Variants in GABRR2 observed in about 807,000 individuals in gnomAD.
GABRR2 encodes the protein gamma-aminobutyric acid type A receptor subunit rho2.
In GABRR2, 36 loss-of-function variants were observed where a neutral mutation model predicts 47.0. That is an observed-to-expected ratio of 0.77 (90% CI 0.59 to 1.01). The LOEUF (loss-of-function observed/expected upper bound fraction) is 1.01, where lower values mean the gene tolerates loss of function less well. Among genes scored for constraint, GABRR2 ranks in the 50% least tolerant of loss-of-function variants. The pLI, the probability that GABRR2 is intolerant of heterozygous loss-of-function variation, is 0.00. For missense variants in GABRR2, 587 were observed against 594.6 expected (o/e 0.99, Z 0.13); for synonymous variants, 204 against 227.5 (o/e 0.90, Z 0.93).
intron 2 of GABRR2, among the ~76,000 whole-genome samples, chr6:89,273,919 C>G (rs971907231): frequency 7.2e-5 from 11 of 152,240 alleles, no homozygotes; most frequent in African/African-American, 2.7e-4. Context: ...CTGCTGGATA[C>G]AGCAGTCCCA....
rs187393494 is a variant in GABRR2 at position 89,307,775 on chromosome 6, A to G, written c.113+7278T>C. 8.9e-4 allele frequency among the ~76,000 whole-genome samples: 125 copies of G among 140,646 alleles called. 1 individual carries two copies. Among genetic ancestry groups the G allele is most frequent in the African/African-American group, 3.2e-3 (120 of 37,464 alleles). 92.3% of individuals were successfully genotyped at this position (140,646 alleles called of 152,430 possible). A position where few individuals can be genotyped will look rare whatever the true frequency, so the allele number is the denominator to read the frequency against. On this transcript the variant is annotated intron_variant, in intron 1 of 8. Transcript: ENST00000402938. ...GAGTGTTTGTTGTTTATTTACATAT[A>G]CCTCTATTTTCCTCCCTGTTCTTGT... is the stretch of plus-strand genomic sequence containing the variant.
At chr6:89,295,492 A>T (rs941895155) in intron 2 of GABRR2, among the ~76,000 whole-genome samples, 2 of 150,772 alleles carry the variant, frequency 1.3e-5, no homozygotes, top group Non-Finnish European at 3.0e-5. Flanking sequence ...ATTTTTTTTT[A>T]ATTTGTTTGA....
At position 89,269,158 on chromosome 6, in the gene GABRR2, CTCTTGTTGCTG is replaced by C. The variant is rs761966019; in HGVS notation, c.354_364del (p.Ser119HisfsTer15). 1.9e-6 allele frequency: 3 copies of C among 1,614,080 alleles called. No homozygotes were observed. In the South Asian group the frequency reaches 3.3e-5, roughly 18 times the overall value. The stretch of plus-strand genomic sequence containing the variant: ...CACCAGCCGGCCATCGAAGGTCATG[CTCTTGTTGCTG>C]GCGCTGGAGAAAGCTAGCCTCTCAT... On this transcript the variant is annotated frameshift_variant, in exon 4 of 9. Transcript: ENST00000402938. LOFTEE classifies it high-confidence loss of function.
intron 6 of GABRR2, among the ~76,000 whole-genome samples, 165 bp from the exon 7 acceptor site, chr6:89,265,930 C>T (rs1008023121): frequency 2.6e-5 from 4 of 152,122 alleles, no homozygotes; most frequent in African/African-American, 9.7e-5. Flanking sequence ...AAATCTAAGC[C>T]CTTTCTCCTA....
At chr6:89,262,128 T>C (rs368655482) in intron 8 of GABRR2, among the ~76,000 whole-genome samples, 1 of 152,118 alleles carries the variant, frequency 6.6e-6, no homozygotes, top group East Asian at 1.9e-4. Flanking sequence ...ACAGCTTTGA[T>C]TGGACAAGAG....
chr6:89,299,149 G>A (rs1344173917), intron 2 of GABRR2, among the ~76,000 whole-genome samples: 1 of 152,194 alleles, frequency 6.6e-6, no homozygotes, highest in Admixed American at 6.5e-5. Context: ...CACTGGCCAT[G>A]CCTCCCCTCC....
chr6:89,275,862 T>C (rs1348052708), intron 2 of GABRR2, among the ~76,000 whole-genome samples: 2 of 151,998 alleles, frequency 1.3e-5, no homozygotes, highest in Non-Finnish European at 2.9e-5. Context: ...AGATAAACCT[T>C]TGTAGGGTTC....
At position 89,284,896 on chromosome 6, in the gene GABRR2, C is replaced by G. The variant is rs115262175; in HGVS notation, c.221-13174G>C. Among the ~76,000 whole-genome samples, 483 of 152,274 alleles carry G rather than the reference C, an allele frequency of 3.2e-3. 4 individuals carry two copies. Among genetic ancestry groups the G allele is most frequent in the African/African-American group, 0.011 (466 of 41,544 alleles). On this transcript the variant is annotated intron_variant, in intron 2 of 8. Transcript: ENST00000402938. Reference sequence around the variant, plus strand: ...AGGTGGACTAGGGAGTGTGCTAGAACAGGGCCGGAACAGTTTACCCCTGCA... The same window carrying G: ...AGGTGGACTAGGGAGTGTGCTAGAAGAGGGCCGGAACAGTTTACCCCTGCA...
In GABRR2 at chr6:89,256,141, A is replaced by C. The variant is rs1773596130; in HGVS notation, c.*1529T>G. ...GTGGCTAGTGGCTACCATATGAGAC[A>C]GCCCAGATCTAGGATGCATTCTGCT... On this transcript the variant is annotated 3_prime_UTR_variant, in exon 9 of 9. Transcript: ENST00000402938. Among the ~76,000 whole-genome samples, 1 of 148,860 alleles carries C rather than the reference A, an allele frequency of 6.7e-6. No homozygotes were observed. The highest frequency in any genetic ancestry group is 1.5e-5 in the Non-Finnish European group (1 of 67,450).
rs192639264 is a variant in GABRR2 at position 89,272,546 on chromosome 6, A to T, written c.221-824T>A. On this transcript the variant is annotated intron_variant, in intron 2 of 8. Transcript: ENST00000402938. ...TGTTTTTTGGATTTTAATTTTTTTT[A>T]AACTTAGAAAGGGAAAAACCAGCAA... Among the ~76,000 whole-genome samples the T allele has an allele frequency of 5.3e-3, 810 of 152,130 alleles. 3 individuals carry two copies. Among genetic ancestry groups the T allele is most frequent in the Non-Finnish European group, 8.6e-3 (583 of 68,020 alleles).
In GABRR2 at chr6:89,299,826, C is replaced by G. The variant is rs1347057933; in HGVS notation, c.153G>C (p.Arg51=). 7.4e-6 allele frequency: 12 copies of G among 1,613,820 alleles called. No homozygotes were observed. The highest frequency in any genetic ancestry group is 7.6e-6 in the Non-Finnish European group (9 of 1,179,818). ...TGAGAAGCTGCTGAGGCTTTCCCTT[C>G]CGGATCTTGGTCACATCAAGGTTCT... ...YKKNLDVTKI[R]KGKPQQLLRV... is the part of the protein sequence containing the mutation. The change falls in exon 2 of 9, where the codon CGG becomes CGC. Residue 51 remains arginine, a synonymous_variant. Coordinates refer to ENST00000402938, the MANE Select transcript of GABRR2 (RefSeq NM_002043.5).
At position 89,291,212 on chromosome 6, in the gene GABRR2, T is replaced by C. The variant is rs1254175439; in HGVS notation, c.220+8547A>G. Among the ~76,000 whole-genome samples, 4 of 152,206 alleles carry C rather than the reference T, an allele frequency of 2.6e-5. No homozygotes were observed. In the East Asian group the frequency reaches 7.7e-4, roughly 29 times the overall value. On this transcript the variant is annotated intron_variant, in intron 2 of 8. Transcript: ENST00000402938. ...CATCTCTCAGGTCCCTCCATTTCTTTCTGTGGTCTTCAGCCCCTCATCAGC... is the reference window on the plus strand; with the variant it reads ...CATCTCTCAGGTCCCTCCATTTCTTCCTGTGGTCTTCAGCCCCTCATCAGC...
In GABRR2 at chr6:89,262,517, T is replaced by C. The variant is rs577966915; in HGVS notation, c.1086+1895A>G. 3.3e-5 allele frequency among the ~76,000 whole-genome samples: 5 copies of C among 152,322 alleles called. No individual in the cohort carries two copies. The East Asian group carries it at 7.7e-4, about 23-fold the overall frequency. ...ATGGCCACCTTGCAGACTGGAATCCTTTATAAGAAATAAAGTCTCCTTTTT... is the reference window on the plus strand; with the variant it reads ...ATGGCCACCTTGCAGACTGGAATCCCTTATAAGAAATAAAGTCTCCTTTTT... On this transcript the variant is annotated intron_variant, in intron 8 of 8. Transcript: ENST00000402938.
At position 89,269,210 on chromosome 6, in the gene GABRR2, G is replaced by A. The variant is rs768368381; in HGVS notation, c.313C>T (p.Arg105Trp). 67 of 1,613,886 alleles carry A rather than the reference G, an allele frequency of 4.2e-5. No individual in the cohort carries two copies. The highest frequency in any genetic ancestry group is 5.1e-5 in the Non-Finnish European group (60 of 1,179,886). The change falls in exon 4 of 9, where the codon CGG becomes TGG. Residue 105 changes from arginine to tryptophan, a missense_variant. Arg to Trp is a moderately radical substitution (Grantham distance 101). Coordinates refer to ENST00000402938, the MANE Select transcript of GABRR2 (RefSeq NM_002043.5). ...AGCCTCTCATCCTTCCAGTAATGCCGCAGGTACAGGGTCATAGTGAAGTCC... is the reference window on the plus strand; with the variant it reads ...AGCCTCTCATCCTTCCAGTAATGCCACAGGTACAGGGTCATAGTGAAGTCC... ...DMDFTMTLYL[R>W]HYWKDERLAF...
intron 4 of GABRR2, 43 bp downstream of exon 4, chr6:89,268,962 CATACCA>C: frequency 6.5e-7 from 1 of 1,543,638 alleles, no homozygotes; most frequent in Non-Finnish European, 9.0e-7. Flanking sequence ...CCTGACCACA[CATACCA>C]GAAAGGCACT....
intron 1 of GABRR2, among the ~76,000 whole-genome samples, chr6:89,301,271 C>G (rs1767431530): frequency 6.6e-6 from 1 of 152,154 alleles, no homozygotes; most frequent in African/African-American, 2.4e-5. Context: ...CAACGTCATA[C>G]TAAATGGGCA....
At chr6:89,296,088 T>TATATC (rs1774548050) in intron 2 of GABRR2, among the ~76,000 whole-genome samples, 1 of 152,190 alleles carries the variant, frequency 6.6e-6, no homozygotes, top group Non-Finnish European at 1.5e-5. Flanking sequence ...ATGAGACACC[T>TATATC]TCTATATCAC....
chr6:89,314,924 T>C, intron 1 of GABRR2, 129 bp downstream of exon 1: 2 of 756,202 alleles, frequency 2.6e-6, no homozygotes, highest in African/African-American at 1.8e-5. Context: ...TTCAGTGAAG[T>C]AGCTGGGTTC....
At chr6:89,261,763 T>G (rs376152895) in intron 8 of GABRR2, among the ~76,000 whole-genome samples, 22 of 152,230 alleles carry the variant, frequency 1.4e-4, no homozygotes, top group African/African-American at 3.1e-4. Context: ...TTGGGGCTGG[T>G]GCGGTGGTTC....
Sources: gnomAD v4.1 joint callset for allele counts (sites outside exome capture counted in the v4.1 genomes callset) on GRCh38, gnomAD v4.1.1 for gene constraint, MANE v1.5 for transcripts, NCBI Gene and HGNC (gene_info 2026-07-23, HGNC 2026-07-21) for gene names.